The following KLC1 variants were observed in gnomAD, a reference collection of about 807,000 sequenced individuals.
The protein encoded by KLC1 is kinesin 2 60/70kDa.
In KLC1, 30 loss-of-function variants were observed where a neutral mutation model predicts 84.2. That is an observed-to-expected ratio of 0.36 (90% CI 0.27 to 0.48). The LOEUF is 0.48. Among genes scored for constraint, KLC1 ranks in the 20% least tolerant of loss-of-function variants. The pLI is 0.99. For missense variants in KLC1, 499 were observed against 805.4 expected (o/e 0.62, Z 4.60); for synonymous variants, 289 against 293.3 (o/e 0.99, Z 0.15).
rs149066850 is a variant in KLC1 at position 103,670,633 on chromosome 14, G to T, written c.987+350G>T. Among the ~76,000 whole-genome samples, 63 of 151,682 alleles carry T rather than the reference G, an allele frequency of 4.2e-4. 1 individual carries two copies. The highest frequency in any genetic ancestry group is 1.5e-3 in the African/African-American group (61 of 41,292). Reference sequence around the variant, plus strand: ...TACAGGCTGAGCCACTGTGCCCGGCGCTGTTTTTTGTGTTTTTAAAAATTT... The same window carrying T: ...TACAGGCTGAGCCACTGTGCCCGGCTCTGTTTTTTGTGTTTTTAAAAATTT... On this transcript the variant is annotated intron_variant, in intron 7 of 16. Coordinates refer to ENST00000334553, the MANE Select transcript of KLC1 (RefSeq NM_001394837.1).
chr14:103,685,843 C>A, intron 13 of KLC1: 2 of 1,181,976 alleles, frequency 1.7e-6, no homozygotes, highest in Non-Finnish European at 1.1e-6. Context: ...GTAGCTTTGC[C>A]AGATATGTAC....
intron 3 of KLC1, among the ~76,000 whole-genome samples, chr14:103,658,353 C>T (rs905631425): frequency 1.3e-5 from 2 of 151,656 alleles, no homozygotes; most frequent in Admixed American, 1.3e-4. Flanking sequence ...CTCCATCTCC[C>T]GGGTTCATGT....
intron 3 of KLC1, among the ~76,000 whole-genome samples, chr14:103,660,462 C>T (rs2079181368): frequency 7.3e-6 from 1 of 137,868 alleles, no homozygotes. Flanking sequence ...GTCTAGATGA[C>T]AGAGTAAAGC....
intron 1 of KLC1, among the ~76,000 whole-genome samples, chr14:103,637,681 A>G (rs759259738): frequency 5.3e-5 from 8 of 152,044 alleles, no homozygotes; most frequent in Non-Finnish European, 8.8e-5. Flanking sequence ...CTGGTTGTTA[A>G]TGTTTTCTTT....
chr14:103,692,542 G>A lies in KLC1; in HGVS notation c.1848+117G>A, dbSNP rs114458295. ...GCTCCTGCAGAGGGCTGGGGACGCC[G>A]CCACGTTTGTTCCTAGACAGACAGT... On this transcript the variant is annotated intron_variant, in intron 15 of 16. Coordinates refer to ENST00000334553, the MANE Select transcript of KLC1 (RefSeq NM_001394837.1). The A allele has an allele frequency of 2.3e-4, 168 of 732,800 alleles. No individual in the cohort carries two copies. In the African/African-American group the frequency reaches 2.6e-3, roughly 11 times the overall value. The allele number at this position is 732,800 out of a possible 1,614,324, so 45.4% of individuals were successfully genotyped here. A position where few individuals can be genotyped will look rare whatever the true frequency, so the allele number is the denominator to read the frequency against.
intron 1 of KLC1, among the ~76,000 whole-genome samples, chr14:103,631,007 A>C (rs900295101): frequency 3.9e-5 from 6 of 152,076 alleles, no homozygotes; most frequent in Admixed American, 3.9e-4. Context: ...GCAAGGGGGG[A>C]GGGAATGACA....
At chr14:103,655,019 G>T (rs1026619338) in intron 2 of KLC1, among the ~76,000 whole-genome samples, 194 bp downstream of exon 2, 18 of 152,078 alleles carry the variant, frequency 1.2e-4, no homozygotes, top group Non-Finnish European at 2.4e-4. Flanking sequence ...TTGAGGTCAG[G>T]AGTTTGAGAC....
chr14:103,645,119 A>G (rs552314592), intron 1 of KLC1, among the ~76,000 whole-genome samples: 2 of 152,178 alleles, frequency 1.3e-5, no homozygotes, highest in Admixed American at 6.6e-5. Flanking sequence ...GGTTACAGGC[A>G]TGTGCCACCA....
chr14:103,631,173 C>T (rs972943667), intron 1 of KLC1, among the ~76,000 whole-genome samples: 2 of 152,124 alleles, frequency 1.3e-5, no homozygotes, highest in East Asian at 1.9e-4. Flanking sequence ...CTCCGCCTCC[C>T]GGGTTCACGC....
chr14:103,632,385 A>G (rs115885633), intron 1 of KLC1, among the ~76,000 whole-genome samples: 7,989 of 151,820 alleles, frequency 0.053, 241 homozygotes, highest in South Asian at 0.093. Flanking sequence ...AGATCACGTC[A>G]CTGCAGTCCA....
At chr14:103,632,882 G>A (rs2076791297) in intron 1 of KLC1, among the ~76,000 whole-genome samples, 2 of 152,074 alleles carry the variant, frequency 1.3e-5, no homozygotes, top group South Asian at 4.1e-4. Flanking sequence ...GGGGTCAGGG[G>A]TGGGATTGGG....
At chr14:103,638,122 G>A (rs1434189129) in intron 1 of KLC1, among the ~76,000 whole-genome samples, 1 of 151,982 alleles carries the variant, frequency 6.6e-6, no homozygotes, top group Non-Finnish European at 1.5e-5. Flanking sequence ...ACCTGACCCT[G>A]CTGATCTGGC....
intron 13 of KLC1, among the ~76,000 whole-genome samples, chr14:103,684,345 A>G (rs2151806808): frequency 6.6e-6 from 1 of 152,368 alleles, no homozygotes; most frequent in Non-Finnish European, 1.5e-5. Flanking sequence ...TAATGTGAAT[A>G]TTCTTTCCCA....
chr14:103,636,628 C>T (rs1173115023), intron 1 of KLC1, among the ~76,000 whole-genome samples: 1 of 152,038 alleles, frequency 6.6e-6, no homozygotes, highest in East Asian at 1.9e-4. Context: ...ACATGCTTGT[C>T]GGTCTTTGTA....
At position 103,694,828 on chromosome 14, in the gene KLC1, T is replaced by G. The variant is rs2082329373; in HGVS notation, c.1848+2403T>G. The G allele has an allele frequency of 2.0e-6, 2 of 985,344 alleles. No individual in the cohort carries two copies. Among genetic ancestry groups the G allele is most frequent in the Non-Finnish European group, 1.2e-6 (1 of 829,942 alleles). 61.0% of individuals were successfully genotyped at this position (985,344 alleles called of 1,614,324 possible). ...AGGCTGGGGACAGAGTGTCCTGAGGTTTTGTTACAAGGCTAGACTTTAAAA... is the reference window on the plus strand; with the variant it reads ...AGGCTGGGGACAGAGTGTCCTGAGGGTTTGTTACAAGGCTAGACTTTAAAA... On this transcript the variant is annotated intron_variant, in intron 15 of 16. Transcript: ENST00000334553. The surrounding 1 kb of genome is among the most constrained non-coding windows in gnomAD (Gnocchi z 4.5).
rs201937334 is a variant in KLC1 at position 103,687,089 on chromosome 14, T to G, written c.1659T>G (p.Thr553=). 6.5e-7 allele frequency: 1 copy of G among 1,540,856 alleles called. No individual in the cohort carries two copies. The highest frequency in any genetic ancestry group is 8.8e-7 in the Non-Finnish European group (1 of 1,138,786). The change falls in exon 14 of 17, where the codon ACT becomes ACG. Residue 553 remains threonine (T), a synonymous_variant. Coordinates refer to ENST00000334553, the MANE Select transcript of KLC1 (RefSeq NM_001394837.1). ...SMSVEWNGDG[T]GSLKRSGSFS... is the part of the protein sequence containing the mutation. ...GTTCACGTTTTTTTCAGGATGGCACTGGATCTTTAAAACGCAGTGGTTCCT... is the reference window on the plus strand; with the variant it reads ...GTTCACGTTTTTTTCAGGATGGCACGGGATCTTTAAAACGCAGTGGTTCCT...
At chr14:103,680,498 A>T (rs1484025352) in intron 13 of KLC1, among the ~76,000 whole-genome samples, 1 of 152,206 alleles carries the variant, frequency 6.6e-6, no homozygotes, top group Non-Finnish European at 1.5e-5. Context: ...CTATAGCTAT[A>T]GCAATTTGGT....
intron 15 of KLC1, chr14:103,696,097 C>A: frequency 4.9e-6 from 1 of 202,840 alleles, no homozygotes; most frequent in Non-Finnish European, 6.1e-6. Context: ...ACTGCGCCCC[C>A]GCCCCCCGCC....
intron 1 of KLC1, among the ~76,000 whole-genome samples, chr14:103,633,305 C>G (rs1036951848): frequency 2.6e-5 from 4 of 152,046 alleles, no homozygotes; most frequent in African/African-American, 9.7e-5. Flanking sequence ...GATCCGCCCG[C>G]CTTGGCCTCT....
Sources: allele counts gnomAD v4.1 joint callset (sites outside exome capture counted in the v4.1 genomes callset), GRCh38; gene constraint gnomAD v4.1.1; non-coding constraint Gnocchi (gnomAD v3.1); transcripts MANE v1.5; gene names NCBI Gene and HGNC (gene_info 2026-07-23, HGNC 2026-07-21).